Variants in MTHFD1L observed in about 807,000 individuals in gnomAD.
The protein encoded by MTHFD1L is methylenetetrahydrofolate dehydrogenase (NADP+ dependent) 1 like, also known as monofunctional C1-tetrahydrofolate synthase, mitochondrial.
In MTHFD1L, 81 loss-of-function variants were observed where a neutral mutation model predicts 119.5. The observed-to-expected ratio is 0.68, with a 90% CI of 0.57 to 0.82. The LOEUF (loss-of-function observed/expected upper bound fraction) is 0.82. Among genes scored for constraint, MTHFD1L ranks in the 40% least tolerant of loss-of-function variants. The pLI, the probability that MTHFD1L is intolerant of heterozygous loss-of-function variation, is 0.00. For missense variants in MTHFD1L, 1,125 were observed against 1,253.4 expected (o/e 0.90, Z 1.55); for synonymous variants, 430 against 475.2 (o/e 0.90, Z 1.24).
Position 150,938,680 on chromosome 6 carries a change from C to CT in MTHFD1L, c.1394-18dup, listed in dbSNP as rs1416207620. The stretch of plus-strand genomic sequence containing the variant: ...GTACTTGGTGACCCGTTTGAAATGC[C>CT]TCTTGCTCTGTTGTTTAGGAGGAGC... On this transcript the variant is annotated intron_variant, in intron 12 of 27. Transcript: ENST00000367321. 6.2e-6 allele frequency: 10 copies of CT among 1,606,678 alleles called. No individual in the cohort carries two copies. Among genetic ancestry groups the CT allele is most frequent in the Non-Finnish European group, 7.6e-6 (9 of 1,177,102 alleles).
intron 26 of MTHFD1L, among the ~76,000 whole-genome samples, chr6:151,071,320 T>C (rs1265279098): frequency 6.6e-6 from 1 of 152,192 alleles, no homozygotes; most frequent in Non-Finnish European, 1.5e-5. Context: ...CTGTTTTCTG[T>C]GATACAGTGC....
chr6:151,070,883 G>A (rs1791876734), intron 26 of MTHFD1L, among the ~76,000 whole-genome samples: 1 of 152,146 alleles, frequency 6.6e-6, no homozygotes, highest in Non-Finnish European at 1.5e-5. Flanking sequence ...GTACTGGTGG[G>A]AATGAGATAA....
intron 8 of MTHFD1L, among the ~76,000 whole-genome samples, chr6:150,916,290 A>ATTT (rs1176972273): frequency 5.5e-5 from 5 of 90,526 alleles, no homozygotes; most frequent in Non-Finnish European, 8.6e-5. Flanking sequence ...GGAAGGTAGA[A>ATTT]TCTTTTTTTT....
At chr6:151,059,710 C>T (rs372535421) in intron 26 of MTHFD1L, among the ~76,000 whole-genome samples, 222 of 151,720 alleles carry the variant, frequency 1.5e-3, no homozygotes, top group African/African-American at 5.1e-3. Flanking sequence ...AGAGCAGTTT[C>T]GAAAGTGGAA....
intron 26 of MTHFD1L, among the ~76,000 whole-genome samples, chr6:151,071,123 A>G (rs547479749): frequency 1.3e-5 from 2 of 152,208 alleles, no homozygotes; most frequent in Non-Finnish European, 2.9e-5. Flanking sequence ...GTAGGTGTGT[A>G]TGTGCTTGAG....
intron 1 of MTHFD1L, among the ~76,000 whole-genome samples, chr6:150,866,928 G>C (rs1778463917): frequency 6.6e-6 from 1 of 152,168 alleles, no homozygotes; most frequent in Non-Finnish European, 1.5e-5. Flanking sequence ...CGCCTCCCTC[G>C]GAACTGGGAT....
intron 20 of MTHFD1L, among the ~76,000 whole-genome samples, chr6:151,008,400 C>T (rs986403927): frequency 3.9e-5 from 6 of 152,170 alleles, no homozygotes; most frequent in African/African-American, 1.4e-4. Flanking sequence ...GTATTCCCTT[C>T]CTAGAGTGGT....
intron 26 of MTHFD1L, among the ~76,000 whole-genome samples, chr6:151,054,489 C>T (rs1789571717): frequency 6.6e-6 from 1 of 152,182 alleles, no homozygotes; most frequent in Admixed American, 6.5e-5. Flanking sequence ...GTGCACGAGT[C>T]CCCTTTGCAG....
rs990119648 is a variant in MTHFD1L at position 151,016,391 on chromosome 6, C to T, written c.2586+698C>T. Among the ~76,000 whole-genome samples the T allele has an allele frequency of 4.6e-5, 7 of 151,610 alleles. No individual in the cohort carries two copies. In the East Asian group the frequency reaches 1.2e-3, roughly 25 times the overall value. ...AGGCTGGAGTACAGTGGTGCAATCT[C>T]GGCTTACTGCAACCTCTGCCTCCCA... On this transcript the variant is annotated intron_variant, in intron 24 of 27. Coordinates refer to ENST00000367321, the MANE Select transcript of MTHFD1L (RefSeq NM_015440.5).
chr6:151,067,684 G>A (rs1791484010), intron 26 of MTHFD1L, among the ~76,000 whole-genome samples: 1 of 152,208 alleles, frequency 6.6e-6, no homozygotes, highest in African/African-American at 2.4e-5. Flanking sequence ...CAGAAATAAT[G>A]TTGTGTGTTA....
Position 151,091,069 on chromosome 6 carries a change from G to A in MTHFD1L, c.2848-1398G>A, listed in dbSNP as rs527663661. Among the ~76,000 whole-genome samples the A allele has an allele frequency of 1.9e-4, 27 of 143,088 alleles. No individual in the cohort carries two copies. In the East Asian group the frequency reaches 2.9e-3, roughly 16 times the overall value. The allele number at this position is 143,088 out of a possible 152,430, so 93.9% of individuals were successfully genotyped here. ...GCCCCATGCGACTGGGTGCAGCATCGTTCCATGCGACTGGGTGCAGCATCG... is the reference window on the plus strand; with the variant it reads ...GCCCCATGCGACTGGGTGCAGCATCATTCCATGCGACTGGGTGCAGCATCG... On this transcript the variant is annotated intron_variant, in intron 26 of 27. Coordinates refer to ENST00000367321, the MANE Select transcript of MTHFD1L (RefSeq NM_015440.5).
Position 151,009,820 on chromosome 6 carries a change from G to T in MTHFD1L, c.2127G>T (p.Val709=). 6.2e-7 allele frequency: 1 copy of T among 1,613,652 alleles called. No individual in the cohort carries two copies. The highest frequency in any genetic ancestry group is 1.1e-5 in the South Asian group (1 of 90,920). ...CATATTCCACTTGCTTCCCCACAGT[G>T]ACCGAAGCTGGCTTTGGTGCTGACA... ...LKLVGEEGFV[V]TEAGFGADIG... Residue 709 remains valine (V), a splice_region_variant and synonymous_variant, in exon 21 of 28, where the codon GTG becomes GTT. Transcript: ENST00000367321.
At chr6:150,884,429 C>T (rs1014130069) in intron 5 of MTHFD1L, among the ~76,000 whole-genome samples, 12 of 151,984 alleles carry the variant, frequency 7.9e-5, no homozygotes, top group African/African-American at 2.2e-4. Flanking sequence ...AGTGAGCCAC[C>T]GCGCCTGGCC....
At chr6:151,031,473 A>G (rs1230836032) in intron 24 of MTHFD1L, among the ~76,000 whole-genome samples, 1 of 152,212 alleles carries the variant, frequency 6.6e-6, no homozygotes, top group Non-Finnish European at 1.5e-5. Flanking sequence ...GATGTCAAAG[A>G]AGAGGATGCT....
At chr6:150,979,259 G>T (rs1024124865) in intron 20 of MTHFD1L, among the ~76,000 whole-genome samples, 3 of 152,072 alleles carry the variant, frequency 2.0e-5, no homozygotes, top group Non-Finnish European at 4.4e-5. Context: ...GAAGAATTTT[G>T]GGTGAGCTGT....
chr6:150,919,227 CT>C (rs922371185), intron 9 of MTHFD1L, among the ~76,000 whole-genome samples: 240 of 151,338 alleles, frequency 1.6e-3, no homozygotes, highest in African/African-American at 5.7e-3. Flanking sequence ...GCTCACGGTT[CT>C]TTTTTTTCCC....
rs897957748 is a variant in MTHFD1L, at chr6:150,900,002, A to T, written c.781-5648A>T. Among the ~76,000 whole-genome samples, 70 of 148,000 alleles carry T rather than the reference A, an allele frequency of 4.7e-4. 1 individual carries two copies. In the South Asian group the frequency reaches 8.6e-3, roughly 18 times the overall value. Reference sequence around the variant, plus strand: ...AAATAGATATATATATATTTTTTATATTATATTATATATTATATATTTATA... The same window carrying T: ...AAATAGATATATATATATTTTTTATTTTATATTATATATTATATATTTATA... On this transcript the variant is annotated intron_variant, in intron 7 of 27. Transcript: ENST00000367321.
intron 20 of MTHFD1L, among the ~76,000 whole-genome samples, chr6:150,979,532 A>C (rs1338534772): frequency 1.3e-5 from 2 of 151,566 alleles, no homozygotes; most frequent in African/African-American, 4.9e-5. Flanking sequence ...ACGGAGTCTC[A>C]CTCTGTCTCC....
intron 26 of MTHFD1L, among the ~76,000 whole-genome samples, chr6:151,049,108 C>A (rs186346934): frequency 5.3e-5 from 8 of 152,342 alleles, no homozygotes; most frequent in Admixed American, 4.6e-4. Flanking sequence ...GTAATGCCAA[C>A]ACTTTGGGAG....
Sources: gnomAD v4.1 joint callset for allele counts (sites outside exome capture counted in the v4.1 genomes callset) on GRCh38, gnomAD v4.1.1 for gene constraint, MANE v1.5 for transcripts, NCBI Gene and HGNC (gene_info 2026-07-23, HGNC 2026-07-21) for gene names.